The following AFF1 variants were observed in gnomAD, a reference collection of about 807,000 sequenced individuals.
AFF1 encodes ALF transcription elongation factor 1, also known as AF4/FMR2 family member 1.
A neutral mutation model predicts 121.7 loss-of-function variants in AFF1; 48 were observed. That is an observed-to-expected ratio of 0.39 (90% CI 0.31 to 0.50). The LOEUF (loss-of-function observed/expected upper bound fraction) is 0.50, where lower values mean the gene tolerates loss of function less well. AFF1 is among the 20% of genes least tolerant of loss of function. The pLI is 0.76. For synonymous variants in AFF1, 613 were observed against 563.0 expected, an observed-to-expected ratio of 1.09 and a Z score of -1.26; for missense variants, 1,523 against 1,511.7, an observed-to-expected ratio of 1.01 and a Z score of -0.12.
At chr4:86,943,135 G>A (rs1405034085) in intron 1 of AFF1, among the ~76,000 whole-genome samples, 3 of 152,188 alleles carry the variant, frequency 2.0e-5, no homozygotes, top group African/African-American at 7.2e-5. Context: ...TGTGGGATGT[G>A]TACTTGAGTG....
At chr4:86,980,677 G>A (rs10008600) in intron 2 of AFF1, among the ~76,000 whole-genome samples, 142,639 of 152,290 alleles carry the variant, frequency 0.94, 67,367 homozygotes, top group Non-Finnish European at 1. Flanking sequence ...ATGAAAATGT[G>A]CATTCATTTG....
chr4:87,053,958 A>G (rs1189421317), intron 4 of AFF1, among the ~76,000 whole-genome samples: 2 of 152,200 alleles, frequency 1.3e-5, no homozygotes, highest in Non-Finnish European at 2.9e-5. Flanking sequence ...GAGTGGCCCA[A>G]GTGAGGGGTG....
chr4:87,025,053 G>T (rs1319061375), intron 2 of AFF1, among the ~76,000 whole-genome samples: 1 of 152,092 alleles, frequency 6.6e-6, no homozygotes, highest in Non-Finnish European at 1.5e-5. Flanking sequence ...TTTTCACAAG[G>T]TTCTCTTATC....
chr4:86,942,495 C>T (rs1043096120), intron 1 of AFF1, among the ~76,000 whole-genome samples: 1 of 152,208 alleles, frequency 6.6e-6, no homozygotes, highest in African/African-American at 2.4e-5. Flanking sequence ...TTTTCCTACT[C>T]AGTAGCCATT....
chr4:86,967,757 A>G (rs1690662043), intron 2 of AFF1, among the ~76,000 whole-genome samples: 1 of 152,078 alleles, frequency 6.6e-6, no homozygotes, highest in South Asian at 2.1e-4. Flanking sequence ...GAAAGATGGG[A>G]AAGACTGAGA....
At chr4:87,097,270 G>A (rs1389324548) in intron 8 of AFF1, among the ~76,000 whole-genome samples, 8 of 152,210 alleles carry the variant, frequency 5.3e-5, no homozygotes, top group Non-Finnish European at 1.2e-4. Flanking sequence ...CACCGAAGTT[G>A]GGTAGTGACT....
intron 7 of AFF1, among the ~76,000 whole-genome samples, chr4:87,094,146 G>T (rs555285851): frequency 1.3e-5 from 2 of 152,228 alleles, no homozygotes; most frequent in Non-Finnish European, 2.9e-5. Flanking sequence ...CTTCTTGTTT[G>T]TTCCCACTGT....
intron 8 of AFF1, among the ~76,000 whole-genome samples, chr4:87,098,278 T>C (rs1025885867): frequency 1.3e-5 from 2 of 152,210 alleles, no homozygotes; most frequent in South Asian, 2.1e-4. Context: ...GATGTAGTTA[T>C]TTCTCAAATA....
intron 8 of AFF1, among the ~76,000 whole-genome samples, chr4:87,100,746 A>G (rs1277024045): frequency 2.0e-5 from 3 of 152,202 alleles, no homozygotes; most frequent in Non-Finnish European, 2.9e-5. Context: ...ACCTATATAC[A>G]GTATTTAATA....
intron 2 of AFF1, among the ~76,000 whole-genome samples, chr4:86,992,557 G>A (rs906030937): frequency 3.3e-5 from 5 of 151,718 alleles, no homozygotes; most frequent in African/African-American, 1.2e-4. Flanking sequence ...AGCGTTTTAA[G>A]GCATGAAGCT....
At chr4:86,991,928 A>G (rs960042748) in intron 2 of AFF1, among the ~76,000 whole-genome samples, 2 of 149,930 alleles carry the variant, frequency 1.3e-5, no homozygotes, top group African/African-American at 4.9e-5. Context: ...ACCTTCAGAC[A>G]CTTCTCGAGA....
chr4:87,019,756 T>G (rs376243837), intron 2 of AFF1, among the ~76,000 whole-genome samples: 93 of 152,252 alleles, frequency 6.1e-4, no homozygotes, highest in African/African-American at 2.1e-3. Context: ...CCGTTAAACG[T>G]TAAGTAGGTG....
chr4:87,119,418 A>G (rs1200627430), intron 12 of AFF1, among the ~76,000 whole-genome samples: 1 of 151,886 alleles, frequency 6.6e-6, no homozygotes, highest in Non-Finnish European at 1.5e-5. Context: ...GTCTCTGAAA[A>G]AAAAAAATTA....
intron 2 of AFF1, among the ~76,000 whole-genome samples, chr4:87,017,681 G>A (rs1010689061): frequency 6.6e-6 from 1 of 152,076 alleles, no homozygotes; most frequent in Non-Finnish European, 1.5e-5. Flanking sequence ...GCAAAAATGC[G>A]CTGTTCTCAT....
chr4:87,013,385 G>C (rs1171596152), intron 2 of AFF1, among the ~76,000 whole-genome samples: 1 of 151,950 alleles, frequency 6.6e-6, no homozygotes, highest in Non-Finnish European at 1.5e-5. Flanking sequence ...GCAGTAATTT[G>C]GTGACAGATT....
At chr4:87,047,736 T>C (rs1730861658) in intron 4 of AFF1, 142 bp downstream of exon 4, 2 of 1,086,090 alleles carry the variant, frequency 1.8e-6, no homozygotes, top group African/African-American at 1.5e-5. Flanking sequence ...AGGATCTTGT[T>C]AATAACCCGC....
In AFF1 at chr4:87,115,247, G is replaced by C. The variant is rs777601874; in HGVS notation, c.2414G>C (p.Ser805Thr). The part of the protein sequence containing the change: ...DKQPPAGKKH[S>T]SEKRSSDSSS... ...CAGCCGCCCGCAGGGAAGAAGCACA[G>C]CTCTGAGAAGAGGAGCTCAGACAGC... The change falls in exon 12 of 21, where the codon AGC becomes ACC. Residue 805 changes from serine (S) to threonine (T), a missense_variant. Ser to Thr is a moderately conservative substitution (Grantham distance 58). Coordinates refer to ENST00000395146, the MANE Select transcript of AFF1 (RefSeq NM_001166693.3). 1.9e-6 allele frequency: 3 copies of C among 1,613,678 alleles called. No individual in the cohort carries two copies. Among genetic ancestry groups the C allele is most frequent in the East Asian group, 2.2e-5 (1 of 44,876 alleles).
At chr4:86,987,524 CTGTG>C (rs1281279500) in intron 2 of AFF1, among the ~76,000 whole-genome samples, 3 of 152,136 alleles carry the variant, frequency 2.0e-5, no homozygotes, top group African/African-American at 7.2e-5. Context: ...AGCCAACCCT[CTGTG>C]TGGAAGTCCT....
intron 16 of AFF1, among the ~76,000 whole-genome samples, chr4:87,130,263 A>G (rs1227281301): frequency 3.3e-5 from 5 of 152,198 alleles, no homozygotes; most frequent in Non-Finnish European, 7.3e-5. Context: ...GTGAGCCACC[A>G]TGCCCGGCCC....
Sources: gnomAD v4.1 joint callset for allele counts (sites outside exome capture counted in the v4.1 genomes callset) on GRCh38, gnomAD v4.1.1 for gene constraint, MANE v1.5 for transcripts, NCBI Gene and HGNC (gene_info 2026-07-23, HGNC 2026-07-21) for gene names.